The following SCAMP1 variants were observed in gnomAD, a reference collection of about 807,000 sequenced individuals.
The protein encoded by SCAMP1 is secretory carrier-associated membrane protein 1.
SCAMP1 carries 15 observed loss-of-function variants against 41.8 expected under a neutral mutation model. The ratio of observed to expected loss-of-function variants is 0.36; its 90% CI spans 0.24 to 0.55. The LOEUF is 0.55. Ranked by LOEUF, SCAMP1 falls within the 20% of genes least tolerant of loss-of-function variation. SCAMP1 has a pLI of 0.86. For missense variants in SCAMP1, 341 were observed against 412.6 expected (o/e 0.83, Z 1.50); for synonymous variants, 135 against 136.8 (o/e 0.99, Z 0.09).
At chr5:78,438,813 G>C (rs919659434) in intron 6 of SCAMP1, among the ~76,000 whole-genome samples, 1 of 152,150 alleles carries the variant, frequency 6.6e-6, no homozygotes, top group Non-Finnish European at 1.5e-5. Context: ...TGACAGTGGG[G>C]TGTTAAAGTC....
At chr5:78,376,726 A>G (rs144039561) in intron 1 of SCAMP1, among the ~76,000 whole-genome samples, 2 of 152,184 alleles carry the variant, frequency 1.3e-5, no homozygotes, top group African/African-American at 2.4e-5. Flanking sequence ...ATAGATTGGC[A>G]TGGGGTCGGA....
At chr5:78,376,835 T>C (rs1456805644) in intron 1 of SCAMP1, among the ~76,000 whole-genome samples, 1 of 152,088 alleles carries the variant, frequency 6.6e-6, no homozygotes, top group African/African-American at 2.4e-5. Context: ...TTTTTGTTTG[T>C]TTGTTTTTTG....
chr5:78,456,387 C>T (rs1391029805), intron 7 of SCAMP1, among the ~76,000 whole-genome samples: 2 of 152,034 alleles, frequency 1.3e-5, no homozygotes, highest in East Asian at 1.9e-4. Flanking sequence ...CTGGTGGTGA[C>T]AAAATCTCTC....
chr5:78,415,545 C>T lies in SCAMP1; in HGVS notation c.161C>T (p.Pro54Leu). 2.5e-6 allele frequency: 4 copies of T among 1,606,570 alleles called. No individual in the cohort carries two copies. Among genetic ancestry groups the T allele is most frequent in the Non-Finnish European group, 2.6e-6 (3 of 1,176,340 alleles). ...RTPPPGGVKM[P>L]NVPNTQPAIM... ...CCTCCACCAGGCGGTGTGAAGATGC[C>T]TAATGTACCCAATACACAACCAGCA... is the stretch of plus-strand genomic sequence containing the variant. Residue 54 changes from proline (P) to leucine (L), a missense_variant, in exon 3 of 9, where the codon CCT (proline) becomes CTT (leucine). Coordinates refer to ENST00000621999, the MANE Select transcript of SCAMP1 (RefSeq NM_004866.6).
chr5:78,420,282 A>G (rs765009317), intron 5 of SCAMP1, among the ~76,000 whole-genome samples: 1 of 152,218 alleles, frequency 6.6e-6, no homozygotes, highest in Non-Finnish European at 1.5e-5. Flanking sequence ...GTAATTATAC[A>G]TATATTTTAT....
intron 1 of SCAMP1, among the ~76,000 whole-genome samples, chr5:78,379,944 C>T (rs1452346125): frequency 1.3e-5 from 2 of 152,138 alleles, no homozygotes; most frequent in Non-Finnish European, 1.5e-5. Context: ...GGCTATAAAA[C>T]AATGTAAAAT....
chr5:78,400,061 A>G (rs1487404672), intron 2 of SCAMP1, among the ~76,000 whole-genome samples: 2 of 152,190 alleles, frequency 1.3e-5, no homozygotes, highest in African/African-American at 4.8e-5. Flanking sequence ...AGCTGGGACT[A>G]TAGGCATATG....
At chr5:78,430,701 C>A (rs1318907443) in intron 6 of SCAMP1, among the ~76,000 whole-genome samples, 3 of 151,834 alleles carry the variant, frequency 2.0e-5, no homozygotes, top group African/African-American at 7.2e-5. Flanking sequence ...TTATTAGGAA[C>A]TGAGGTTTTA....
intron 1 of SCAMP1, chr5:78,360,963 C>A: frequency 1.9e-6 from 1 of 529,432 alleles, no homozygotes; most frequent in South Asian, 2.2e-5. Context: ...TTCCACACGT[C>A]CCCGACTGGT....
At chr5:78,453,182 T>G (rs974717806) in intron 7 of SCAMP1, among the ~76,000 whole-genome samples, 55 of 151,172 alleles carry the variant, frequency 3.6e-4, no homozygotes, top group African/African-American at 1.2e-3. Flanking sequence ...AGAAGCTCTT[T>G]AGTTTAATTA....
At chr5:78,375,260 A>G (rs1751038109) in intron 1 of SCAMP1, among the ~76,000 whole-genome samples, 1 of 152,194 alleles carries the variant, frequency 6.6e-6, no homozygotes, top group Non-Finnish European at 1.5e-5. Context: ...CTTCTGAGGA[A>G]ATATAGTTTT....
intron 8 of SCAMP1, among the ~76,000 whole-genome samples, chr5:78,466,276 G>T (rs938241958): frequency 6.6e-6 from 1 of 152,212 alleles, no homozygotes; most frequent in African/African-American, 2.4e-5. Flanking sequence ...GTGAGGAAGA[G>T]AAATAAATTG....
At chr5:78,415,420 C>A in intron 2 of SCAMP1, 100 bp from the exon 3 acceptor site, 1 of 681,838 alleles carries the variant, frequency 1.5e-6, no homozygotes. Context: ...TGAAGAGATG[C>A]AGATTTTGGG....
chr5:78,430,679 C>G (rs1311859266), intron 6 of SCAMP1, among the ~76,000 whole-genome samples: 1 of 151,806 alleles, frequency 6.6e-6, no homozygotes. Flanking sequence ...TCTTTATGGT[C>G]TTTTGGGCAA....
chr5:78,389,852 A>G (rs1561256166), intron 2 of SCAMP1, among the ~76,000 whole-genome samples: 1 of 151,908 alleles, frequency 6.6e-6, no homozygotes, highest in African/African-American at 2.4e-5. Flanking sequence ...TGCCTCCAAT[A>G]CTTTTGTTAC....
chr5:78,475,428 T>C (rs1753981299), intron 8 of SCAMP1, 76 bp from the exon 9 acceptor site: 1 of 1,070,126 alleles, frequency 9.3e-7, no homozygotes, highest in Admixed American at 3.2e-5. Context: ...GTTTGATTAA[T>C]GTTGAGATTA....
intron 7 of SCAMP1, among the ~76,000 whole-genome samples, chr5:78,454,689 T>C (rs1221644604): frequency 6.6e-6 from 1 of 152,216 alleles, no homozygotes; most frequent in Non-Finnish European, 1.5e-5. Context: ...AGAATGATGC[T>C]GGCCTCATAA....
chr5:78,453,159 T>G (rs2112215381), intron 7 of SCAMP1, among the ~76,000 whole-genome samples: 1 of 151,484 alleles, frequency 6.6e-6, no homozygotes, highest in South Asian at 2.1e-4. Flanking sequence ...GATGGTAGTT[T>G]CTTTTGCTGT....
chr5:78,396,929 A>G (rs1751665979), intron 2 of SCAMP1, among the ~76,000 whole-genome samples: 1 of 152,170 alleles, frequency 6.6e-6, no homozygotes, highest in South Asian at 2.1e-4. Context: ...GAGTGTTGGG[A>G]GCAAATGCCT....
Sources: allele counts gnomAD v4.1 joint callset (sites outside exome capture counted in the v4.1 genomes callset), GRCh38; gene constraint gnomAD v4.1.1; transcripts MANE v1.5; gene names NCBI Gene and HGNC (gene_info 2026-07-23, HGNC 2026-07-21).